GPC5: variants seen among roughly 807,000 people sequenced by gnomAD.
GPC5 encodes the protein glypican 5.
GPC5 carries 47 observed loss-of-function variants against 53.9 expected under a neutral mutation model. That is an observed-to-expected ratio of 0.87 (90% CI 0.69 to 1.11). The LOEUF (loss-of-function observed/expected upper bound fraction) is 1.11, where lower values mean the gene tolerates loss of function less well. GPC5 is among the 50% of genes most tolerant of loss of function. GPC5 has a pLI of 0.00. For synonymous variants in GPC5, 286 were observed against 263.3 expected (o/e 1.09, Z -0.84); for missense variants, 748 against 713.1 (o/e 1.05, Z -0.56).
chr13:92,048,594 A>T (rs1438574395), intron 6 of GPC5, among the ~76,000 whole-genome samples: 1 of 152,204 alleles, frequency 6.6e-6, no homozygotes, highest in Non-Finnish European at 1.5e-5. Context: ...CATAGTGTTC[A>T]CTTTTACATG....
intron 5 of GPC5, among the ~76,000 whole-genome samples, chr13:91,787,289 G>A (rs431670): frequency 0.98 from 149,734 of 152,276 alleles, 73,628 homozygotes; most frequent in East Asian, 1. Context: ...TTAAGGGGAA[G>A]TCATTCAGTT....
At chr13:92,764,560 C>A (rs1466253043) in intron 7 of GPC5, among the ~76,000 whole-genome samples, 2 of 152,294 alleles carry the variant, frequency 1.3e-5, no homozygotes, top group South Asian at 4.1e-4. Flanking sequence ...CTGCTGGCTT[C>A]TTGCTTACCT....
At chr13:91,885,614 C>T (rs955159022) in intron 5 of GPC5, among the ~76,000 whole-genome samples, 7 of 152,174 alleles carry the variant, frequency 4.6e-5, no homozygotes, top group African/African-American at 1.7e-4. Flanking sequence ...TAGTTCATCT[C>T]TTTCTTTGCC....
chr13:92,395,415 C>T (rs1178964928), intron 7 of GPC5, among the ~76,000 whole-genome samples: 1 of 152,138 alleles, frequency 6.6e-6, no homozygotes, highest in Non-Finnish European at 1.5e-5. Flanking sequence ...TCCCTTATAG[C>T]ACTGTTGTCA....
At chr13:92,064,889 G>A (rs141047519) in intron 6 of GPC5, among the ~76,000 whole-genome samples, 2 of 141,594 alleles carry the variant, frequency 1.4e-5, no homozygotes, top group East Asian at 2.1e-4. Context: ...CTTCAAATAC[G>A]TGTTTACCAC....
intron 2 of GPC5, among the ~76,000 whole-genome samples, chr13:91,615,256 A>T (rs909995319): frequency 6.6e-6 from 1 of 152,148 alleles, no homozygotes; most frequent in African/African-American, 2.4e-5. Flanking sequence ...ACCATCCCAT[A>T]TCCCTAGGTA....
At chr13:92,556,941 A>C in intron 7 of GPC5, among the ~76,000 whole-genome samples, 1 of 151,920 alleles carries the variant, frequency 6.6e-6, no homozygotes, top group East Asian at 1.9e-4. Flanking sequence ...GGAGAGGAAA[A>C]GAGTTTCTCA....
At chr13:92,780,493 T>G (rs930148627) in intron 7 of GPC5, among the ~76,000 whole-genome samples, 2 of 152,006 alleles carry the variant, frequency 1.3e-5, no homozygotes, top group African/African-American at 4.8e-5. Context: ...AATTTCTAGT[T>G]TACTTTCTGA....
At chr13:91,458,755 T>C (rs1485676151) in intron 2 of GPC5, among the ~76,000 whole-genome samples, 1 of 152,120 alleles carries the variant, frequency 6.6e-6, no homozygotes, top group Non-Finnish European at 1.5e-5. Context: ...TGCACACATG[T>C]GTTTATAGCA....
At chr13:92,174,881 C>T (rs972974330) in intron 7 of GPC5, among the ~76,000 whole-genome samples, 2 of 152,168 alleles carry the variant, frequency 1.3e-5, no homozygotes, top group African/African-American at 4.8e-5. Context: ...CAGAGTTTCG[C>T]TCTTATAGCC....
chr13:91,456,380 T>G (rs988477681), intron 2 of GPC5, among the ~76,000 whole-genome samples: 1 of 152,032 alleles, frequency 6.6e-6, no homozygotes, highest in Admixed American at 6.6e-5. Context: ...TGTTAACTTT[T>G]GCAATCCATG....
At position 91,572,110 on chromosome 13, in the gene GPC5, CATGTATATATACGTGTGTATATACACAT is replaced by C. The variant is rs1566517074; in HGVS notation, c.326-121055_326-121028del. 9.4e-5 allele frequency among the ~76,000 whole-genome samples: 10 copies of C among 105,968 alleles called. 1 individual carries two copies. Among genetic ancestry groups the C allele is most frequent in the Non-Finnish European group, 1.7e-4 (9 of 51,798 alleles). The allele number at this position is 105,968 out of a possible 152,430, so 69.5% of individuals were successfully genotyped here. Reference sequence around the variant, plus strand: ...ATGTACATGTGTGTGTATATACACACATGTATATATACGTGTGTATATACACATATGTATATATACGTGTGTATACACA... The same window carrying C: ...ATGTACATGTGTGTGTATATACACACATGTATATATACGTGTGTATACACA... On this transcript the variant is annotated intron_variant, in intron 2 of 7. Transcript: ENST00000377067.
intron 6 of GPC5, among the ~76,000 whole-genome samples, chr13:91,959,067 C>CAT (rs1414268498): frequency 2.6e-4 from 34 of 129,698 alleles, no homozygotes; most frequent in African/African-American, 7.8e-4. Flanking sequence ...AACACACACA[C>CAT]ACACACACAC....
At chr13:92,785,345 A>G (rs2138767111) in intron 7 of GPC5, among the ~76,000 whole-genome samples, 1 of 152,254 alleles carries the variant, frequency 6.6e-6, no homozygotes, top group East Asian at 1.9e-4. Flanking sequence ...ATGAAGTATG[A>G]AGGGAAGGGA....
intron 6 of GPC5, among the ~76,000 whole-genome samples, chr13:92,086,086 C>A (rs774609333): frequency 2.0e-5 from 3 of 152,150 alleles, no homozygotes; most frequent in Non-Finnish European, 1.5e-5. Context: ...CACTGTGTGG[C>A]CTTCTGCATT....
At chr13:92,103,941 A>G (rs943503048) in intron 6 of GPC5, among the ~76,000 whole-genome samples, 1 of 152,192 alleles carries the variant, frequency 6.6e-6, no homozygotes, top group African/African-American at 2.4e-5. Flanking sequence ...CATTCCTCAG[A>G]ATTCCTTTCA....
chr13:91,739,316 C>T (rs1312901527), intron 4 of GPC5, among the ~76,000 whole-genome samples: 1 of 151,292 alleles, frequency 6.6e-6, no homozygotes, highest in Non-Finnish European at 1.5e-5. Context: ...CTGCTGTGTT[C>T]CAACTCATAG....
intron 6 of GPC5, among the ~76,000 whole-genome samples, chr13:91,929,984 A>G (rs2039806519): frequency 6.6e-6 from 1 of 152,054 alleles, no homozygotes; most frequent in South Asian, 2.1e-4. Flanking sequence ...ACAATTCCCA[A>G]ATGTAATTTG....
At chr13:92,674,189 G>C (rs1485654251) in intron 7 of GPC5, among the ~76,000 whole-genome samples, 2 of 152,094 alleles carry the variant, frequency 1.3e-5, no homozygotes, top group African/African-American at 4.8e-5. Context: ...CTAACCTGGA[G>C]CTGCACATTC....
Sources: allele counts gnomAD v4.1 joint callset (sites outside exome capture counted in the v4.1 genomes callset), GRCh38; gene constraint gnomAD v4.1.1; transcripts MANE v1.5; gene names NCBI Gene and HGNC (gene_info 2026-07-23, HGNC 2026-07-21).